ARHGAP35: variants seen among roughly 807,000 people sequenced by gnomAD.
ARHGAP35 encodes rho GTPase-activating protein 35.
In ARHGAP35, 15 loss-of-function variants were observed where a neutral mutation model predicts 111.1. The ratio of observed to expected loss-of-function variants is 0.13; its 90% CI spans 0.09 to 0.21. ARHGAP35 has a LOEUF of 0.21. Among genes scored for constraint, ARHGAP35 ranks in the 10% least tolerant of loss-of-function variants. The pLI, the probability that ARHGAP35 is intolerant of heterozygous loss-of-function variation, is 1.00. For missense variants in ARHGAP35, 1,262 were observed against 1,873.0 expected (o/e 0.67, Z 6.02); for synonymous variants, 643 against 710.3 (o/e 0.91, Z 1.51).
chr19:46,904,031 A>T (rs890301142), intron 1 of ARHGAP35, among the ~76,000 whole-genome samples: 2 of 152,036 alleles, frequency 1.3e-5, no homozygotes, highest in African/African-American at 4.8e-5. Context: ...AATAAATGGG[A>T]CTGGCTGGAT....
At chr19:46,978,746 G>A (rs2056598472) in intron 3 of ARHGAP35, among the ~76,000 whole-genome samples, 1 of 125,710 alleles carries the variant, frequency 8.0e-6, no homozygotes, top group Non-Finnish European at 1.7e-5. Context: ...TCTGTGTGGT[G>A]TGTGTGTGTG....
chr19:46,983,423 G>T (rs918956893), intron 3 of ARHGAP35, among the ~76,000 whole-genome samples: 2 of 151,984 alleles, frequency 1.3e-5, no homozygotes, highest in Admixed American at 1.3e-4. Flanking sequence ...TTGATAAATG[G>T]CTTATCATTA....
Position 46,920,768 on chromosome 19 carries a change from T to G in ARHGAP35, c.2093T>G (p.Leu698Arg). The stretch of plus-strand genomic sequence containing the variant: ...GATAATCATTTAGTCCATCTCCCCC[T>G]TACATTAATTTTGGTTAACAAGAGA... ...RRDNHLVHLP[L>R]TLILVNKRGD... The change falls in exon 2 of 7, where the codon CTT (leucine) becomes CGT (arginine). Residue 698 changes from leucine (L) to arginine (R), a missense_variant. Around this residue, in one of 8 missense-constraint regions of ARHGAP35, gnomAD observed 579 missense variants for 716.9 expected, o/e 0.81. Transcript: ENST00000672722. The surrounding 1 kb of genome is among the most constrained non-coding windows in gnomAD (Gnocchi z 7.0). The G allele has an allele frequency of 6.2e-7, 1 of 1,608,966 alleles. No individual in the cohort carries two copies. The highest frequency in any genetic ancestry group is 8.5e-7 in the Non-Finnish European group (1 of 1,177,364).
chr19:46,993,150 G>A lies in ARHGAP35; in HGVS notation c.4036+3475G>A, dbSNP rs1310764436. Among the ~76,000 whole-genome samples, 3 of 152,244 alleles carry A rather than the reference G, an allele frequency of 2.0e-5. No homozygotes were observed. The highest frequency in any genetic ancestry group is 4.4e-5 in the Non-Finnish European group (3 of 68,042). Reference sequence around the variant, plus strand: ...AGGTGATTGCAAAGCCGTGTCTCCAGGGGAAGGACAGCTTGGATTCTCCAT... The same window carrying A: ...AGGTGATTGCAAAGCCGTGTCTCCAAGGGAAGGACAGCTTGGATTCTCCAT... On this transcript the variant is annotated intron_variant, in intron 5 of 6. Transcript: ENST00000672722. This position sits in a 1 kb window ranked among gnomAD's most constrained non-coding sequence, Gnocchi z 4.6.
At position 46,979,030 on chromosome 19, in the gene ARHGAP35, T is replaced by G. The variant is rs1599861641; in HGVS notation, c.3827-8959T>G. Among the ~76,000 whole-genome samples the G allele has an allele frequency of 1.6e-4, 7 of 42,854 alleles. No individual in the cohort carries two copies. The South Asian group carries it at 3.4e-3, about 21-fold the overall frequency. 28.1% of individuals were successfully genotyped at this position (42,854 alleles called of 152,430 possible). On this transcript the variant is annotated intron_variant, in intron 3 of 6. Coordinates refer to ENST00000672722, the MANE Select transcript of ARHGAP35 (RefSeq NM_004491.5). The stretch of plus-strand genomic sequence containing the variant: ...GTGTGTGTGTGTGGTGGGGCAGGTG[T>G]GGGGGGGTGTGGTGTGTGGTGGGAT...
intron 1 of ARHGAP35, among the ~76,000 whole-genome samples, chr19:46,888,744 AG>A (rs2056008655): frequency 1.3e-5 from 2 of 151,456 alleles, no homozygotes; most frequent in African/African-American, 4.9e-5. Flanking sequence ...CTGTAATCCC[AG>A]CACTTTGGGA....
At chr19:46,876,135 C>G (rs181495502) in intron 1 of ARHGAP35, among the ~76,000 whole-genome samples, 44 of 151,834 alleles carry the variant, frequency 2.9e-4, no homozygotes, top group African/African-American at 1.1e-3. Flanking sequence ...GGTAACTGTG[C>G]TAGTTAATAT....
intron 3 of ARHGAP35, among the ~76,000 whole-genome samples, chr19:46,984,865 T>C (rs1374121887): frequency 6.6e-6 from 1 of 152,210 alleles, no homozygotes; most frequent in Non-Finnish European, 1.5e-5. Context: ...CCGGTGGCCA[T>C]TATGAGGCAA....
chr19:46,921,843 A>G lies in ARHGAP35; in HGVS notation c.3168A>G (p.Leu1056=), dbSNP rs755620772. ...PVHFEITKGD[L]SYLDQGHRDG... ...ATTTTGAAATTACAAAGGGGGATCT[A>G]TCTTATTTAGACCAAGGCCATAGGG... Residue 1056 remains leucine (L), a synonymous_variant, in exon 2 of 7, where the codon CTA becomes CTG. Coordinates refer to ENST00000672722, the MANE Select transcript of ARHGAP35 (RefSeq NM_004491.5). The surrounding 1 kb of genome is among the most constrained non-coding windows in gnomAD (Gnocchi z 4.3). 21 of 1,614,008 alleles carry G rather than the reference A, an allele frequency of 1.3e-5. No homozygotes were observed. The highest frequency in any genetic ancestry group is 1.1e-4 in the East Asian group (5 of 44,886).
chr19:46,870,397 G>A (rs962959922), intron 1 of ARHGAP35, among the ~76,000 whole-genome samples: 10 of 151,818 alleles, frequency 6.6e-5, no homozygotes, highest in African/African-American at 2.2e-4. Context: ...GGCTAATACG[G>A]TGAAATCCCA....
At chr19:46,874,056 ATTAAATTTTTT>A (rs2055902739) in intron 1 of ARHGAP35, among the ~76,000 whole-genome samples, 1 of 152,170 alleles carries the variant, frequency 6.6e-6, no homozygotes, top group African/African-American at 2.4e-5. Flanking sequence ...TAAGCTATTA[ATTAAATTTTTT>A]TTCCCAAAGT....
At chr19:46,874,155 A>G (rs923929156) in intron 1 of ARHGAP35, among the ~76,000 whole-genome samples, 1 of 152,168 alleles carries the variant, frequency 6.6e-6, no homozygotes, top group Non-Finnish European at 1.5e-5. Context: ...GAGGGAACAA[A>G]CTAGTTCTTT....
At chr19:46,880,088 A>AAAATAAATAAATAAAT (rs112300759) in intron 1 of ARHGAP35, among the ~76,000 whole-genome samples, 44 of 151,704 alleles carry the variant, frequency 2.9e-4, no homozygotes, top group South Asian at 6.3e-4. Flanking sequence ...AATGTCTCAA[A>AAAATAAATAAATAAAT]AAATAAATAA....
At chr19:46,950,281 T>C (rs191233606) in intron 3 of ARHGAP35, among the ~76,000 whole-genome samples, 1 of 152,380 alleles carries the variant, frequency 6.6e-6, no homozygotes, top group East Asian at 1.9e-4. Context: ...CTATGTAGAC[T>C]TTCATCATGT....
intron 3 of ARHGAP35, among the ~76,000 whole-genome samples, chr19:46,943,486 G>A (rs1278837795): frequency 6.6e-6 from 1 of 152,144 alleles, no homozygotes; most frequent in Non-Finnish European, 1.5e-5. Context: ...ACAGATAGTG[G>A]GCTTGCACTT....
rs763665927 is a variant in ARHGAP35 at position 46,994,877 on chromosome 19, G to T, written c.4037-4427G>T. ...CCCAAATCCGAGAATGAAAGAATTCGCATTGTCTGACAAGGCAAGAATGGG... is the reference window on the plus strand; with the variant it reads ...CCCAAATCCGAGAATGAAAGAATTCTCATTGTCTGACAAGGCAAGAATGGG... On this transcript the variant is annotated intron_variant, in intron 5 of 6. Coordinates refer to ENST00000672722, the MANE Select transcript of ARHGAP35 (RefSeq NM_004491.5). The surrounding 1 kb of genome is among the most constrained non-coding windows in gnomAD (Gnocchi z 5.4). Among the ~76,000 whole-genome samples, 8 of 152,142 alleles carry T rather than the reference G, an allele frequency of 5.3e-5. No homozygotes were observed. The highest frequency in any genetic ancestry group is 1.0e-4 in the Non-Finnish European group (7 of 68,020).
intron 1 of ARHGAP35, among the ~76,000 whole-genome samples, chr19:46,870,781 G>A (rs945137847): frequency 3.3e-5 from 5 of 152,036 alleles, no homozygotes; most frequent in African/African-American, 9.7e-5. Context: ...GTTGTGATTT[G>A]ATGTTATGTA....
intron 5 of ARHGAP35, among the ~76,000 whole-genome samples, chr19:46,996,590 A>T (rs984177849): frequency 6.6e-6 from 1 of 152,148 alleles, no homozygotes; most frequent in Non-Finnish European, 1.5e-5. Context: ...CCCAGCTCTT[A>T]TGTAAAGGTG....
chr19:46,903,344 CGTT>C (rs1330965741), intron 1 of ARHGAP35, among the ~76,000 whole-genome samples: 2 of 151,926 alleles, frequency 1.3e-5, no homozygotes, highest in Non-Finnish European at 2.9e-5. Context: ...TGGTGATGTA[CGTT>C]GTTGTGCATT....
Sources: allele counts gnomAD v4.1 joint callset (sites outside exome capture counted in the v4.1 genomes callset), GRCh38; gene constraint gnomAD v4.1.1; regional missense constraint gnomAD v4.1.1; non-coding constraint Gnocchi (gnomAD v3.1); transcripts MANE v1.5; gene names NCBI Gene and HGNC (gene_info 2026-07-23, HGNC 2026-07-21).